GOLGA2: variants seen among roughly 807,000 people sequenced by gnomAD.
GOLGA2 encodes golgin A2, also known as golgin subfamily A member 2.
Under a neutral mutation model 148.8 loss-of-function variants are expected in GOLGA2, and 49 were observed. The observed-to-expected ratio is 0.33, with a 90% CI of 0.26 to 0.42. The LOEUF (loss-of-function observed/expected upper bound fraction) is 0.42, where lower values mean the gene tolerates loss of function less well. Ranked by LOEUF, GOLGA2 falls within the 10% of genes least tolerant of loss-of-function variation. GOLGA2 has a pLI of 1.00. For missense variants in GOLGA2, 1,178 were observed against 1,304.6 expected, an observed-to-expected ratio of 0.90 and a Z score of 1.49; for synonymous variants, 501 against 511.8, an observed-to-expected ratio of 0.98 and a Z score of 0.28.
intron 12 of GOLGA2, among the ~76,000 whole-genome samples, chr9:128,264,226 C>CGTAT (rs1554789862): frequency 6.7e-6 from 1 of 150,100 alleles, no homozygotes; most frequent in East Asian, 2.0e-4. Flanking sequence ...TATGTATGTA[C>CGTAT]GTATGTATGT....
rs1830558963 is a variant in GOLGA2, at chr9:128,265,791, C to T, written c.823G>A (p.Glu275Lys). ...AHTQHAARQKEGESEDLASRL... is the reference protein window; with the variant it reads ...AHTQHAARQKKGESEDLASRL... ...GATGGGGTGCCCAGATTCCCACCTT[C>T]TTTCTGCCTGGCAGCATGCTGAGTG... The change falls in exon 11 of 27, where the codon GAA becomes AAA. Residue 275 changes from glutamate (E) to lysine (K), a missense_variant. Glu to Lys is a moderately conservative substitution (Grantham distance 56, BLOSUM62 1). Around this residue, in one of 5 missense-constraint regions of GOLGA2, gnomAD observed 304 missense variants for 404.1 expected, o/e 0.75. Coordinates refer to ENST00000611957, the MANE Select transcript of GOLGA2 (RefSeq NM_001366244.2). 6.2e-7 allele frequency: 1 copy of T among 1,613,662 alleles called. No homozygotes were observed. Among genetic ancestry groups the T allele is most frequent in the Non-Finnish European group, 8.5e-7 (1 of 1,179,622 alleles).
intron 3 of GOLGA2, among the ~76,000 whole-genome samples, chr9:128,272,263 C>A (rs1340223928): frequency 6.6e-6 from 1 of 151,810 alleles, no homozygotes; most frequent in African/African-American, 2.4e-5. Context: ...GTGGGTGGAC[C>A]ACTTGAGGTC....
chr9:128,262,073 C>T (rs1263185744), intron 14 of GOLGA2: 8 of 323,792 alleles, frequency 2.5e-5, no homozygotes, highest in Non-Finnish European at 4.0e-5. Flanking sequence ...TGGTAGTGTG[C>T]GCCTGTAGTC....
rs780638770 is a variant in GOLGA2, at chr9:128,257,922, G to T, written c.2509-30C>A. On this transcript the variant is annotated intron_variant, in intron 23 of 26. Transcript: ENST00000611957. The surrounding 1 kb of genome is among the most constrained non-coding windows in gnomAD (Gnocchi z 8.0). ...AACCAAAATAATGGAGTCATATATC[G>T]GCAGCGACCTGCCCCGCCCCCACCC... 6.2e-7 allele frequency: 1 copy of T among 1,610,212 alleles called. No individual in the cohort carries two copies. The highest frequency in any genetic ancestry group is 2.2e-5 in the East Asian group (1 of 44,830).
chr9:128,259,415 G>C (rs1207692870), intron 19 of GOLGA2, 24 bp from the exon 20 acceptor site: 1 of 1,472,196 alleles, frequency 6.8e-7, no homozygotes, highest in Non-Finnish European at 9.3e-7. Flanking sequence ...CTGGGCGTGA[G>C]GGCAGGTGGT....
chr9:128,272,125 G>T (rs1588492405), intron 3 of GOLGA2, among the ~76,000 whole-genome samples: 3 of 145,134 alleles, frequency 2.1e-5, no homozygotes, highest in South Asian at 2.2e-4. Flanking sequence ...TGGTTTTTTT[G>T]TGTTTTTTTT....
chr9:128,267,896 T>C (rs1564367455), intron 6 of GOLGA2, 38 bp downstream of exon 6: 3 of 1,488,466 alleles, frequency 2.0e-6, no homozygotes, highest in Non-Finnish European at 9.4e-7. Context: ...ATAGTTCCCT[T>C]CCCCCCACCC....
At chr9:128,269,578 G>A (rs1477021697) in intron 3 of GOLGA2, among the ~76,000 whole-genome samples, 2 of 152,100 alleles carry the variant, frequency 1.3e-5, no homozygotes, top group Non-Finnish European at 2.9e-5. Context: ...CTTGATCAGA[G>A]CCCCACCCAG....
chr9:128,263,894 C>G (rs62587122), intron 12 of GOLGA2, among the ~76,000 whole-genome samples: 2 of 149,860 alleles, frequency 1.3e-5, no homozygotes, highest in African/African-American at 4.9e-5. Context: ...CGGTGGCTCA[C>G]GCCTGTAATC....
chr9:128,268,390 G>A, intron 4 of GOLGA2, 30 bp downstream of exon 4: 1 of 1,203,478 alleles, frequency 8.3e-7, no homozygotes. Flanking sequence ...GTACAGGAGG[G>A]CAGTGGGCAG....
chr9:128,258,236 A>G lies in GOLGA2; in HGVS notation c.2290-38T>C. 1 of 1,483,686 alleles carries G rather than the reference A, an allele frequency of 6.7e-7. No homozygotes were observed. Among genetic ancestry groups the G allele is most frequent in the East Asian group, 2.4e-5 (1 of 41,912 alleles). 91.9% of individuals were successfully genotyped at this position (1,483,686 alleles called of 1,614,324 possible). A position where few individuals can be genotyped will look rare whatever the true frequency, so the allele number is the denominator to read the frequency against. ...GGGGTGCATTCTTGTAGGAGGATAT[A>G]TAGGATGAACAGGGCAGGGAGGTAG... On this transcript the variant is annotated intron_variant, in intron 22 of 26. Transcript: ENST00000611957. The surrounding 1 kb of genome is among the most constrained non-coding windows in gnomAD (Gnocchi z 6.6).
chr9:128,275,949 G>A lies in GOLGA2; in HGVS notation c.28C>T (p.Arg10Cys), dbSNP rs370362050. ...CGGGTTTCTTCCGACATCGCGGGGC[G>A]GGGAGGGAGGCGGGGTTGGGGCCAC... Reference protein sequence around the residue: MWPQPRLPPRPAMSEETRQS... With the variant: MWPQPRLPPCPAMSEETRQS... Residue 10 changes from arginine to cysteine, a missense_variant, in exon 1 of 27, where the codon CGC becomes TGC. Coordinates refer to ENST00000611957, the MANE Select transcript of GOLGA2 (RefSeq NM_001366244.2). 2.5e-6 allele frequency: 4 copies of A among 1,595,262 alleles called. No individual in the cohort carries two copies. The African/African-American group carries it at 5.4e-5, about 22-fold the overall frequency.
rs78831587 is a variant in GOLGA2, at chr9:128,268,679, C to A, written c.289-155G>T. Among the ~76,000 whole-genome samples the A allele has an allele frequency of 5.6e-4, 86 of 152,248 alleles. No individual in the cohort carries two copies. The East Asian group carries it at 0.016, about 28-fold the overall frequency. On this transcript the variant is annotated intron_variant, in intron 3 of 26. Transcript: ENST00000611957. Reference sequence around the variant, plus strand: ...CCACTCAGGGGTGTGGATTGGTTGCCCAGGCCTTGGGCTGCTAGGCAGCAT... The same window carrying A: ...CCACTCAGGGGTGTGGATTGGTTGCACAGGCCTTGGGCTGCTAGGCAGCAT...
In GOLGA2 at chr9:128,258,552, T is replaced by TCCC; in HGVS notation, c.2189_2191dup (p.Arg730_Glu731insGly). 6.4e-7 allele frequency: 1 copy of TCCC among 1,570,242 alleles called. No individual in the cohort carries two copies. The highest frequency in any genetic ancestry group is 8.6e-7 in the Non-Finnish European group (1 of 1,158,790). On this transcript the variant is annotated inframe_insertion, in exon 22 of 27. Transcript: ENST00000611957. The surrounding 1 kb of genome is among the most constrained non-coding windows in gnomAD (Gnocchi z 6.6). ...CTCCTCCTCCTCATCCTCCTCCTCCTCCCGGTCCAGTCCATCTCCTATGGG... is the reference window on the plus strand; with the variant it reads ...CTCCTCCTCCTCATCCTCCTCCTCCTCCCCCCGGTCCAGTCCATCTCCTATGGG...
At chr9:128,275,597 G>T in intron 1 of GOLGA2, 2 of 957,110 alleles carry the variant, frequency 2.1e-6, no homozygotes, top group East Asian at 3.3e-5. Flanking sequence ...CCTTGGAGAC[G>T]CCAGCCCAAA....
intron 12 of GOLGA2, among the ~76,000 whole-genome samples, chr9:128,263,867 G>C (rs1365330051): frequency 6.6e-6 from 1 of 151,594 alleles, no homozygotes; most frequent in South Asian, 2.1e-4. Context: ...AAAAAACTTG[G>C]TAAGGGTGGC....
Position 128,257,598 on chromosome 9 carries a change from T to C in GOLGA2, c.2718+3A>G. On this transcript the variant is annotated splice_donor_region_variant and intron_variant, in intron 25 of 26. Coordinates refer to ENST00000611957, the MANE Select transcript of GOLGA2 (RefSeq NM_001366244.2). This position sits in a 1 kb window ranked among gnomAD's most constrained non-coding sequence, Gnocchi z 8.0. Reference sequence around the variant, plus strand: ...CCACCCCCAGAGATGTTCCACACCCTACCTTCATCTCCTCCTTGTCTTGGG... The same window carrying C: ...CCACCCCCAGAGATGTTCCACACCCCACCTTCATCTCCTCCTTGTCTTGGG... 6.2e-7 allele frequency: 1 copy of C among 1,613,982 alleles called. No homozygotes were observed. Among genetic ancestry groups the C allele is most frequent in the Non-Finnish European group, 8.5e-7 (1 of 1,179,856 alleles).
In GOLGA2 at chr9:128,257,291, G is replaced by A. The variant is rs754646615; in HGVS notation, c.2876-10C>T. 1.2e-6 allele frequency: 2 copies of A among 1,612,764 alleles called. No individual in the cohort carries two copies. The highest frequency in any genetic ancestry group is 2.2e-5 in the South Asian group (2 of 90,984). On this transcript the variant is annotated splice_polypyrimidine_tract_variant and intron_variant, in intron 26 of 26. Transcript: ENST00000611957. This position sits in a 1 kb window ranked among gnomAD's most constrained non-coding sequence, Gnocchi z 8.0. ...CTCACCTCGCAAAGATCTTTGGAGA[G>A]AGAGAGGCAGGGCTCTGAGTGCCAC... is the stretch of plus-strand genomic sequence containing the variant.
chr9:128,261,743 A>G lies in GOLGA2; in HGVS notation c.1149T>C (p.Cys383=). The change falls in exon 15 of 27, where the codon TGT becomes TGC. Residue 383 remains cysteine, a synonymous_variant. Coordinates refer to ENST00000611957, the MANE Select transcript of GOLGA2 (RefSeq NM_001366244.2). The surrounding 1 kb of genome is among the most constrained non-coding windows in gnomAD (Gnocchi z 5.7). ...ELLLQQFSSR[C]EAPDANQQLQ... ...ACTGCTGGTTAGCATCAGGGGCTTC[A>G]CACCGGCTTGAAAACTGGATGGTGA... The G allele has an allele frequency of 6.2e-7, 1 of 1,612,278 alleles. No homozygotes were observed. Among genetic ancestry groups the G allele is most frequent in the Non-Finnish European group, 8.5e-7 (1 of 1,178,358 alleles).
Sources: gnomAD v4.1 joint callset for allele counts (sites outside exome capture counted in the v4.1 genomes callset) on GRCh38, gnomAD v4.1.1 for gene constraint, gnomAD v4.1.1 regional missense constraint, Gnocchi (gnomAD v3.1) non-coding constraint, MANE v1.5 for transcripts, NCBI Gene and HGNC (gene_info 2026-07-23, HGNC 2026-07-21) for gene names.